The following SEPHS2 variants were observed in gnomAD, a reference collection of about 807,000 sequenced individuals.
SEPHS2 encodes the protein selenophosphate synthetase 2, also known as selenide, water dikinase 2.
In SEPHS2, 11 loss-of-function variants were observed where a neutral mutation model predicts 23.9. The observed-to-expected ratio is 0.46, with a 90% CI of 0.29 to 0.76. SEPHS2 has a LOEUF of 0.76. Among genes scored for constraint, SEPHS2 ranks in the 30% least tolerant of loss-of-function variants. The pLI, the probability that SEPHS2 is intolerant of heterozygous loss-of-function variation, is 0.10. For synonymous variants in SEPHS2, 239 were observed against 247.5 expected, an observed-to-expected ratio of 0.97 and a Z score of 0.32; for missense variants, 541 against 592.5, an observed-to-expected ratio of 0.91 and a Z score of 0.90.
chr16:30,444,692 T>C lies in SEPHS2; in HGVS notation c.1036A>G (p.Ile346Val), dbSNP rs1335101971. The C allele has an allele frequency of 1.9e-6, 3 of 1,609,162 alleles. No homozygotes were observed. Among genetic ancestry groups the C allele is most frequent in the Non-Finnish European group, 2.6e-6 (3 of 1,176,354 alleles). ...EVSFVIHNLPIIAKMAAVSKA... is the reference protein window; with the variant it reads ...EVSFVIHNLPVIAKMAAVSKA... The stretch of plus-strand genomic sequence containing the variant: ...CTGACGGCAGCCATCTTGGCAATTA[T>C]TGGCAGATTATGAATAACAAAGGAC... The change falls in exon 1 of 1, where the codon ATA (isoleucine) becomes GTA (valine). Residue 346 changes from isoleucine to valine, a missense_variant. By Grantham distance (29) the Ile-to-Val change is conservative. Coordinates refer to ENST00000478753, the MANE Select transcript of SEPHS2 (RefSeq NM_012248.4). This position sits in a 1 kb window ranked among gnomAD's most constrained non-coding sequence, Gnocchi z 4.0.
chr16:30,444,821 C>A lies in SEPHS2; in HGVS notation c.907G>T (p.Ala303Ser). ...GCATTAAATGTGTGCATTAAACCTGCAGCAGTTCTGTTGAGGGTAGCCATA... is the reference window on the plus strand; with the variant it reads ...GCATTAAATGTGTGCATTAAACCTGAAGCAGTTCTGTTGAGGGTAGCCATA... ...FNMATLNRTA[A>S]GLMHTFNAHA... is the part of the protein sequence containing the mutation. The change falls in exon 1 of 1, where the codon GCA (alanine) becomes TCA (serine). Residue 303 changes from alanine to serine, a missense_variant. By Grantham distance (99) the Ala-to-Ser change is moderately conservative. Transcript: ENST00000478753. This position sits in a 1 kb window ranked among gnomAD's most constrained non-coding sequence, Gnocchi z 4.0. 1.9e-6 allele frequency: 3 copies of A among 1,614,162 alleles called. No homozygotes were observed. Among genetic ancestry groups the A allele is most frequent in the Admixed American group, 1.7e-5 (1 of 59,990 alleles).
At position 30,445,485 on chromosome 16, in the gene SEPHS2, C is replaced by T. The variant is rs1244084667; in HGVS notation, c.243G>A (p.Val81=). The part of the protein sequence containing the change: ...KLLAGLTRPD[V]RPPLGRGLVG... ...CCAGGCCCCGGCCCAGCGGGGGCCG[C>T]ACGTCCGGCCGCGTCAGTCCCGCCA... is the stretch of plus-strand genomic sequence containing the variant. The change falls in exon 1 of 1, where the codon GTG becomes GTA. Residue 81 remains valine (V), a synonymous_variant. Transcript: ENST00000478753. 1 of 1,538,584 alleles carries T rather than the reference C, an allele frequency of 6.5e-7. No individual in the cohort carries two copies. Among genetic ancestry groups the T allele is most frequent in the African/African-American group, 1.4e-5 (1 of 73,084 alleles).
chr16:30,443,681 A>G lies in SEPHS2; in HGVS notation c.*700T>C, dbSNP rs1299444675. ...TTTATTTAGCAAGAAATTACTCTTT[A>G]TTGATCAAATCACCAGGAATCTGCC... On this transcript the variant is annotated 3_prime_UTR_variant, in exon 1 of 1. Coordinates refer to ENST00000478753, the MANE Select transcript of SEPHS2 (RefSeq NM_012248.4). The G allele has an allele frequency of 6.6e-6, 1 of 152,630 alleles. No individual in the cohort carries two copies. Among genetic ancestry groups the G allele is most frequent in the Non-Finnish European group, 1.5e-5 (1 of 68,022 alleles). The allele number at this position is 152,630 out of a possible 1,614,324, so 9.5% of individuals were successfully genotyped here.
Position 30,445,058 on chromosome 16 carries a change from C to T in SEPHS2, c.670G>A (p.Gly224Ser). The T allele has an allele frequency of 2.5e-6, 4 of 1,591,810 alleles. No individual in the cohort carries two copies. The highest frequency in any genetic ancestry group is 3.4e-4 in the Middle Eastern group (2 of 5,960). Residue 224 changes from glycine to serine, a missense_variant, in exon 1 of 1, where the codon GGT becomes AGT. This residue lies in a region of SEPHS2 where 110 missense variants were observed against 173.0 expected (regional missense o/e 0.64). Transcript: ENST00000478753. ...TGGCATACTACAGTGGCAACTCCACCGATTATAATCCAAGGGTTGACCACC... is the reference window on the plus strand; with the variant it reads ...TGGCATACTACAGTGGCAACTCCACTGATTATAATCCAAGGGTTGACCACC... Reference protein sequence around the residue: ...QTVVNPWIIIGGVATVVCQPN... With the variant: ...QTVVNPWIIISGVATVVCQPN...
chr16:30,445,855 A>C lies in SEPHS2; in HGVS notation c.-128T>G, dbSNP rs547694570. 4 of 1,238,450 alleles carry C rather than the reference A, an allele frequency of 3.2e-6. No individual in the cohort carries two copies. The highest frequency in any genetic ancestry group is 3.3e-5 in the South Asian group (2 of 60,794). The allele number at this position is 1,238,450 out of a possible 1,614,324, so 76.7% of individuals were successfully genotyped here. A position where few individuals can be genotyped will look rare whatever the true frequency, so the allele number is the denominator to read the frequency against. On this transcript the variant is annotated 5_prime_UTR_variant, in exon 1 of 1. Coordinates refer to ENST00000478753, the MANE Select transcript of SEPHS2 (RefSeq NM_012248.4). Reference sequence around the variant, plus strand: ...TAGCGCTACTCAAGCCGTCAGACCCACGGCATGCACAATCTTCCTGATAGA... The same window carrying C: ...TAGCGCTACTCAAGCCGTCAGACCCCCGGCATGCACAATCTTCCTGATAGA...
Position 30,445,182 on chromosome 16 carries a change from A to G in SEPHS2, c.546T>C (p.Ser182=), listed in dbSNP as rs909961846. The change falls in exon 1 of 1, where the codon AGT becomes AGC. Residue 182 remains serine, a synonymous_variant. Coordinates refer to ENST00000478753, the MANE Select transcript of SEPHS2 (RefSeq NM_012248.4). ...NMLMLLSVSQ[S]MSEEEREKVT... is the part of the protein sequence containing the mutation. ...CCTTTTCGCGTTCCTCCTCACTCAT[A>G]CTCTGGCTGACGCTGAGTAACATCA... 2 of 1,614,034 alleles carry G rather than the reference A, an allele frequency of 1.2e-6. No homozygotes were observed. Among genetic ancestry groups the G allele is most frequent in the African/African-American group, 2.7e-5 (2 of 74,910 alleles).
In SEPHS2 at chr16:30,445,032, T is replaced by C. The variant is rs1330031702; in HGVS notation, c.696A>G (p.Gln232=). The C allele has an allele frequency of 6.2e-6, 10 of 1,602,894 alleles. No homozygotes were observed. The Admixed American group carries it at 6.7e-5, about 11-fold the overall frequency. Residue 232 remains glutamine (Q), a synonymous_variant, in exon 1 of 1, where the codon CAA becomes CAG. Coordinates refer to ENST00000478753, the MANE Select transcript of SEPHS2 (RefSeq NM_012248.4). ...IIGGVATVVC[Q]PNEFIMPDSA... is the part of the protein sequence containing the mutation. ...TGTCCGGCATTATGAACTCATTTGG[T>C]TGGCATACTACAGTGGCAACTCCAC...
At position 30,445,401 on chromosome 16, in the gene SEPHS2, G is replaced by T. The variant is rs999451706; in HGVS notation, c.327C>A (p.Ser109Arg). Residue 109 changes from serine to arginine, a missense_variant, in exon 1 of 1, where the codon AGC becomes AGA. Physicochemically the swap from Ser to Arg is moderately radical, Grantham distance 110. Around this residue, in one of 3 missense-constraint regions of SEPHS2, gnomAD observed 207 missense variants for 182.2 expected, o/e 1.14. Transcript: ENST00000478753. ...EAGLPAGAGPSPTFPALGIGM... is the reference protein window; with the variant it reads ...EAGLPAGAGPRPTFPALGIGM... ...CGATGCCCAGGGCTGGAAAGGTGGG[G>T]CTGGGGCCCGCTCCTGCCGGCAGGC... 1 of 1,598,186 alleles carries T rather than the reference G, an allele frequency of 6.3e-7. No homozygotes were observed. The highest frequency in any genetic ancestry group is 8.5e-7 in the Non-Finnish European group (1 of 1,174,704).
chr16:30,445,839 T>G lies in SEPHS2; in HGVS notation c.-112A>C, dbSNP rs1379040964. ...CTGCAGGGATTCTCCCTAGCGCTAC[T>G]CAAGCCGTCAGACCCACGGCATGCA... On this transcript the variant is annotated 5_prime_UTR_variant, in exon 1 of 1. Transcript: ENST00000478753. The G allele has an allele frequency of 7.4e-7, 1 of 1,354,250 alleles. No homozygotes were observed. Among genetic ancestry groups the G allele is most frequent in the Admixed American group, 3.1e-5 (1 of 32,222 alleles). The allele number at this position is 1,354,250 out of a possible 1,614,324, so 83.9% of individuals were successfully genotyped here. A position where few individuals can be genotyped will look rare whatever the true frequency, so the allele number is the denominator to read the frequency against.
chr16:30,445,563 G>T lies in SEPHS2; in HGVS notation c.165C>A (p.Ser55=). The change falls in exon 1 of 1, where the codon TCC becomes TCA. Residue 55 remains serine (S), a synonymous_variant. Coordinates refer to ENST00000478753, the MANE Select transcript of SEPHS2 (RefSeq NM_012248.4). ...CCTTGCAGCCTCAGCCCTTCATGCC[G>T]GAGAAGCCCGTCAGCCGCCAGCTCG... is the stretch of plus-strand genomic sequence containing the variant. ...LSPSWRLTGF[S]GMKGUGCKVP... 6.5e-7 allele frequency: 1 copy of T among 1,538,228 alleles called. No homozygotes were observed. Among genetic ancestry groups the T allele is most frequent in the East Asian group, 2.4e-5 (1 of 41,426 alleles).
At position 30,445,089 on chromosome 16, in the gene SEPHS2, C is replaced by A; in HGVS notation, c.639G>T (p.Gly213=). The change falls in exon 1 of 1, where the codon GGG becomes GGT. Residue 213 remains glycine (G), a synonymous_variant. Coordinates refer to ENST00000478753, the MANE Select transcript of SEPHS2 (RefSeq NM_012248.4). The part of the protein sequence containing the change: ...AEEGGTAVTG[G]QTVVNPWIII... ...TAATCCAAGGGTTGACCACCGTTTG[C>A]CCACCGGTCACTGCCGTCCCTCCTT... is the stretch of plus-strand genomic sequence containing the variant. The A allele has an allele frequency of 6.3e-7, 1 of 1,594,126 alleles. No homozygotes were observed.
At position 30,444,969 on chromosome 16, in the gene SEPHS2, C is replaced by T; in HGVS notation, c.759G>A (p.Pro253=). ...CATTGACAGCAACCTGGGTTCCTAA[C>T]GGTTTGGTTAACACCAGCACGTCCC... ...VVGDVLVLTK[P]LGTQVAVNAH... is the part of the protein sequence containing the mutation. The change falls in exon 1 of 1, where the codon CCG becomes CCA. Residue 253 remains proline (P), a synonymous_variant. Transcript: ENST00000478753. This position sits in a 1 kb window ranked among gnomAD's most constrained non-coding sequence, Gnocchi z 4.0. 6.2e-7 allele frequency: 1 copy of T among 1,614,040 alleles called. No individual in the cohort carries two copies. Among genetic ancestry groups the T allele is most frequent in the Non-Finnish European group, 8.5e-7 (1 of 1,179,954 alleles).
Position 30,445,659 on chromosome 16 carries a change from C to T in SEPHS2, c.69G>A (p.Pro23=), listed in dbSNP as rs1305998728. The T allele has an allele frequency of 4.6e-6, 7 of 1,534,902 alleles. No homozygotes were observed. The Admixed American group carries it at 1.2e-4, about 26-fold the overall frequency. The change falls in exon 1 of 1, where the codon CCG becomes CCA. Residue 23 remains proline (P), a synonymous_variant. Coordinates refer to ENST00000478753, the MANE Select transcript of SEPHS2 (RefSeq NM_012248.4). The part of the protein sequence containing the change: ...AMAAAEGSSG[P]AGLTLGRSFS... ...AGCTCCGGCCCAGAGTCAAGCCCGCCGGGCCCGAGGAGCCTTCCGCCGCTG... is the reference window on the plus strand; with the variant it reads ...AGCTCCGGCCCAGAGTCAAGCCCGCTGGGCCCGAGGAGCCTTCCGCCGCTG...
In SEPHS2 at chr16:30,444,992, C is replaced by T; in HGVS notation, c.736G>A (p.Asp246Asn). 1 of 1,613,194 alleles carries T rather than the reference C, an allele frequency of 6.2e-7. No homozygotes were observed. Among genetic ancestry groups the T allele is most frequent in the East Asian group, 2.2e-5 (1 of 44,878 alleles). The change falls in exon 1 of 1, where the codon GAC becomes AAC. Residue 246 changes from aspartate to asparagine, a missense_variant. Physicochemically the swap from Asp to Asn is conservative, Grantham distance 23. Around this residue, in one of 3 missense-constraint regions of SEPHS2, gnomAD observed 110 missense variants for 173.0 expected, o/e 0.64. Coordinates refer to ENST00000478753, the MANE Select transcript of SEPHS2 (RefSeq NM_012248.4). The surrounding 1 kb of genome is among the most constrained non-coding windows in gnomAD (Gnocchi z 4.0). Reference protein sequence around the residue: ...FIMPDSAVVGDVLVLTKPLGT... With the variant: ...FIMPDSAVVGNVLVLTKPLGT... ...AACGGTTTGGTTAACACCAGCACGT[C>T]CCCAACGACGGCGCTGTCCGGCATT...
rs1187045664 is a variant in SEPHS2 at position 30,443,631 on chromosome 16, T to C, written c.*750A>G. Reference sequence around the variant, plus strand: ...TCAAACCACCAAACATTAGCCAGAATAGTTTTTCAACAAGGTTTCTTTTAT... The same window carrying C: ...TCAAACCACCAAACATTAGCCAGAACAGTTTTTCAACAAGGTTTCTTTTAT... On this transcript the variant is annotated 3_prime_UTR_variant, in exon 1 of 1. Coordinates refer to ENST00000478753, the MANE Select transcript of SEPHS2 (RefSeq NM_012248.4). 2 of 152,446 alleles carry C rather than the reference T, an allele frequency of 1.3e-5. No individual in the cohort carries two copies. Among genetic ancestry groups the C allele is most frequent in the East Asian group, 1.9e-4 (1 of 5,200 alleles). The allele number at this position is 152,446 out of a possible 1,614,324, so 9.4% of individuals were successfully genotyped here. A position where few individuals can be genotyped will look rare whatever the true frequency, so the allele number is the denominator to read the frequency against.
At position 30,444,359 on chromosome 16, in the gene SEPHS2, A is replaced by G. The variant is rs779480068; in HGVS notation, c.*22T>C. 25 of 1,571,182 alleles carry G rather than the reference A, an allele frequency of 1.6e-5. No homozygotes were observed. The highest frequency in any genetic ancestry group is 2.1e-5 in the Non-Finnish European group (24 of 1,157,610). ...ATTGTGGACAATGGCTCTAAGGTCC[A>G]AACAACTTCTGTTCTTTCATCTCAC... On this transcript the variant is annotated 3_prime_UTR_variant, in exon 1 of 1. Transcript: ENST00000478753. This position sits in a 1 kb window ranked among gnomAD's most constrained non-coding sequence, Gnocchi z 4.0.
rs781133336 is a variant in SEPHS2 at position 30,444,297 on chromosome 16, G to A, written c.*84C>T. The stretch of plus-strand genomic sequence containing the variant: ...ACCACTATGCAGGCAGCCTTCTTTG[G>A]AAATTTCTTACAATCAACTCTTGAG... On this transcript the variant is annotated 3_prime_UTR_variant, in exon 1 of 1. Transcript: ENST00000478753. The surrounding 1 kb of genome is among the most constrained non-coding windows in gnomAD (Gnocchi z 4.0). 7.0e-7 allele frequency: 1 copy of A among 1,424,414 alleles called. No individual in the cohort carries two copies. The highest frequency in any genetic ancestry group is 1.4e-5 in the African/African-American group (1 of 69,820). The allele number at this position is 1,424,414 out of a possible 1,614,324, so 88.2% of individuals were successfully genotyped here.
At position 30,445,421 on chromosome 16, in the gene SEPHS2, G is replaced by A; in HGVS notation, c.307C>T (p.Pro103Ser). Reference protein sequence around the residue: ...QEEASQEAGLPAGAGPSPTFP... With the variant: ...QEEASQEAGLSAGAGPSPTFP... ...GTGGGGCTGGGGCCCGCTCCTGCCG[G>A]CAGGCCGGCTTCCTGGGACGCCTCT... The change falls in exon 1 of 1, where the codon CCG becomes TCG. Residue 103 changes from proline (P) to serine (S), a missense_variant. Physicochemically the swap from Pro to Ser is moderately conservative, Grantham distance 74. Around this residue, in one of 3 missense-constraint regions of SEPHS2, gnomAD observed 207 missense variants for 182.2 expected, o/e 1.14. Transcript: ENST00000478753. The A allele has an allele frequency of 6.3e-7, 1 of 1,582,726 alleles. No individual in the cohort carries two copies.
Position 30,445,376 on chromosome 16 carries a change from C to A in SEPHS2, c.352G>T (p.Gly118Trp). The A allele has an allele frequency of 6.2e-7, 1 of 1,608,884 alleles. No individual in the cohort carries two copies. Among genetic ancestry groups the A allele is most frequent in the Non-Finnish European group, 8.5e-7 (1 of 1,178,166 alleles). Residue 118 changes from glycine (G) to tryptophan (W), a missense_variant, in exon 1 of 1, where the codon GGG (glycine) becomes TGG (tryptophan). Physicochemically the swap from Gly to Trp is radical, Grantham distance 184 (BLOSUM62 -2). Transcript: ENST00000478753. The stretch of plus-strand genomic sequence containing the variant: ...AGGGGGATGACGCAGGAGTCCATCC[C>A]GATGCCCAGGGCTGGAAAGGTGGGG... ...PSPTFPALGI[G>W]MDSCVIPLRH...
Sources: gnomAD v4.1 joint callset for allele counts on GRCh38, gnomAD v4.1.1 for gene constraint, gnomAD v4.1.1 regional missense constraint, Gnocchi (gnomAD v3.1) non-coding constraint, MANE v1.5 for transcripts, NCBI Gene and HGNC (gene_info 2026-07-23, HGNC 2026-07-21) for gene names.